Variants in CHD9 observed in about 807,000 individuals in gnomAD.
The protein encoded by CHD9 is chromodomain helicase DNA binding protein 9, also known as ATP-dependent chromatin remodeler CHD9.
Under a neutral mutation model 316.1 loss-of-function variants are expected in CHD9, and 77 were observed. The observed-to-expected ratio is 0.24, with a 90% CI of 0.20 to 0.29. The LOEUF (loss-of-function observed/expected upper bound fraction) is 0.29, where lower values mean the gene tolerates loss of function less well. Among genes scored for constraint, CHD9 ranks in the 10% least tolerant of loss-of-function variants. The pLI is 1.00. For synonymous variants in CHD9, 1,129 were observed against 1,158.3 expected, an observed-to-expected ratio of 0.97 and a Z score of 0.51; for missense variants, 2,763 against 3,438.1, an observed-to-expected ratio of 0.80 and a Z score of 4.91.
intron 1 of CHD9, among the ~76,000 whole-genome samples, chr16:53,120,561 C>T (rs1345327518): frequency 6.6e-6 from 1 of 151,902 alleles, no homozygotes; most frequent in Admixed American, 6.6e-5. Context: ...TATGGTAAGC[C>T]GAGATCGCAC....
At chr16:53,252,964 T>C (rs2050250631) in intron 17 of CHD9, among the ~76,000 whole-genome samples, 1 of 152,150 alleles carries the variant, frequency 6.6e-6, no homozygotes, top group Admixed American at 6.5e-5. Context: ...TATAAACTAG[T>C]ACAGCCACTA....
intron 1 of CHD9, among the ~76,000 whole-genome samples, chr16:53,070,522 TTCCTTCCTTC>T (rs1340007865): frequency 9.3e-5 from 2 of 21,484 alleles, no homozygotes; most frequent in African/African-American, 4.3e-4. Context: ...CCTTCCTTCC[TTCCTTCCTTC>T]CTCTCTCTCT....
chr16:53,065,504 G>A (rs1053518319), intron 1 of CHD9, among the ~76,000 whole-genome samples: 1 of 151,954 alleles, frequency 6.6e-6, no homozygotes, highest in South Asian at 2.1e-4. Flanking sequence ...ATGTGTGGGC[G>A]AGCACCTGTA....
intron 36 of CHD9, among the ~76,000 whole-genome samples, chr16:53,317,542 G>C (rs2056976697): frequency 6.6e-6 from 1 of 152,076 alleles, no homozygotes; most frequent in Admixed American, 6.5e-5. Context: ...GCCCAGGCTG[G>C]AGTGCAGTGG....
chr16:53,199,209 T>C (rs1174736109), intron 2 of CHD9, among the ~76,000 whole-genome samples: 2 of 152,122 alleles, frequency 1.3e-5, no homozygotes, highest in East Asian at 3.9e-4. Context: ...AGTTACACTT[T>C]TATTACAAGG....
At chr16:53,147,114 A>C (rs73599555) in intron 1 of CHD9, among the ~76,000 whole-genome samples, 4,920 of 152,226 alleles carry the variant, frequency 0.032, 97 homozygotes, top group Middle Eastern at 0.071. Flanking sequence ...TTAAGATAAT[A>C]TGTAAACTAT....
intron 2 of CHD9, among the ~76,000 whole-genome samples, chr16:53,206,662 AAT>A (rs2045919894): frequency 6.6e-6 from 1 of 152,182 alleles, no homozygotes; most frequent in African/African-American, 2.4e-5. Flanking sequence ...AGATTGAGTC[AAT>A]ATATAGGAAA....
chr16:53,272,762 A>G (rs1310114737), intron 22 of CHD9, among the ~76,000 whole-genome samples: 1 of 152,192 alleles, frequency 6.6e-6, no homozygotes, highest in African/African-American at 2.4e-5. Context: ...TCAAACATGC[A>G]TGGAATGGAA....
intron 34 of CHD9, among the ~76,000 whole-genome samples, chr16:53,313,191 A>T (rs1456881118): frequency 1.3e-5 from 2 of 152,062 alleles, no homozygotes; most frequent in Non-Finnish European, 2.9e-5. Flanking sequence ...TAAAGAAAAT[A>T]CCTTAAGTAG....
chr16:53,101,914 G>A (rs1483256349), intron 1 of CHD9, among the ~76,000 whole-genome samples: 3 of 152,178 alleles, frequency 2.0e-5, no homozygotes, highest in Admixed American at 6.5e-5. Flanking sequence ...CTCCACATCT[G>A]AAATTTGTAG....
At chr16:53,301,961 C>G (rs2053872203) in intron 30 of CHD9, among the ~76,000 whole-genome samples, 1 of 151,878 alleles carries the variant, frequency 6.6e-6, no homozygotes, top group South Asian at 2.1e-4. Context: ...GACGGGGTTT[C>G]ACCGTGTTAG....
At chr16:53,067,807 T>C (rs2152508662) in intron 1 of CHD9, among the ~76,000 whole-genome samples, 1 of 152,300 alleles carries the variant, frequency 6.6e-6, no homozygotes, top group South Asian at 2.1e-4. Context: ...CTTTTCATAG[T>C]GTCCTCTTGG....
intron 35 of CHD9, 133 bp from the exon 36 acceptor site, chr16:53,314,690 T>C: frequency 9.8e-7 from 1 of 1,024,776 alleles, no homozygotes; most frequent in Non-Finnish European, 1.4e-6. Flanking sequence ...GTGATAAAAA[T>C]TTTAAGTTTA....
At chr16:53,234,656 G>T (rs921126698) in intron 10 of CHD9, among the ~76,000 whole-genome samples, 4 of 151,812 alleles carry the variant, frequency 2.6e-5, no homozygotes, top group African/African-American at 9.7e-5. Flanking sequence ...TGCCCAGGCT[G>T]GTCTTGAACT....
intron 1 of CHD9, among the ~76,000 whole-genome samples, chr16:53,061,029 C>T (rs963982884): frequency 1.3e-5 from 2 of 149,532 alleles, no homozygotes; most frequent in African/African-American, 2.5e-5. Flanking sequence ...CGGGTTCAAG[C>T]GATTCTCCTG....
intron 24 of CHD9, among the ~76,000 whole-genome samples, chr16:53,285,317 A>G (rs2053774918): frequency 6.6e-6 from 1 of 152,198 alleles, no homozygotes; most frequent in South Asian, 2.1e-4. Flanking sequence ...CTAAATAAAG[A>G]AAATCAGTGA....
chr16:53,162,957 G>T (rs2042022177), intron 2 of CHD9, among the ~76,000 whole-genome samples: 1 of 151,638 alleles, frequency 6.6e-6, no homozygotes, highest in Non-Finnish European at 1.5e-5. Context: ...TTTTTGTGGA[G>T]ACAAGGTCTC....
chr16:53,165,611 G>A (rs905363771), intron 2 of CHD9, among the ~76,000 whole-genome samples: 5 of 151,958 alleles, frequency 3.3e-5, no homozygotes, highest in South Asian at 2.1e-4. Flanking sequence ...TAATGTATTC[G>A]ATTGAAATAC....
chr16:53,180,467 A>G (rs1245161024), intron 2 of CHD9, among the ~76,000 whole-genome samples: 1 of 152,148 alleles, frequency 6.6e-6, no homozygotes, highest in Non-Finnish European at 1.5e-5. Context: ...GAGAAATATG[A>G]CAAGGATTAT....
Sources: allele counts gnomAD v4.1 joint callset (sites outside exome capture counted in the v4.1 genomes callset), GRCh38; gene constraint gnomAD v4.1.1; transcripts MANE v1.5; gene names NCBI Gene and HGNC (gene_info 2026-07-23, HGNC 2026-07-21).